The following L3MBTL4 variants were observed in gnomAD, a reference collection of about 807,000 sequenced individuals.
The protein encoded by L3MBTL4 is L3MBTL histone methyl-lysine binding protein 4.
A neutral mutation model predicts 84.5 loss-of-function variants in L3MBTL4; 70 were observed. The observed-to-expected ratio is 0.83, with a 90% CI of 0.68 to 1.01. The LOEUF (loss-of-function observed/expected upper bound fraction) is 1.01. L3MBTL4 is among the 50% of genes least tolerant of loss of function. The pLI, the probability that L3MBTL4 is intolerant of heterozygous loss-of-function variation, is 0.00. For missense variants in L3MBTL4, 715 were observed against 754.8 expected (o/e 0.95, Z 0.62); for synonymous variants, 274 against 259.8 (o/e 1.05, Z -0.52).
intron 12 of L3MBTL4, among the ~76,000 whole-genome samples, chr18:6,178,437 A>G (rs530290727): frequency 6.6e-6 from 1 of 152,340 alleles, no homozygotes; most frequent in South Asian, 2.1e-4. Flanking sequence ...CCAGATGGTC[A>G]AGTTAATAGA....
intron 1 of L3MBTL4, among the ~76,000 whole-genome samples, chr18:6,348,622 G>A (rs142385632): frequency 6.6e-6 from 1 of 151,882 alleles, no homozygotes; most frequent in Non-Finnish European, 1.5e-5. Context: ...AACAAAACTG[G>A]CAAATATCTT....
At position 6,247,504 on chromosome 18, in the gene L3MBTL4, A is replaced by G. The variant is rs1428113238; in HGVS notation, c.220-2916T>C. 1.6e-4 allele frequency among the ~76,000 whole-genome samples: 15 copies of G among 93,576 alleles called. No homozygotes were observed. The Admixed American group carries it at 2.4e-3, about 15-fold the overall frequency. 61.4% of individuals were successfully genotyped at this position (93,576 alleles called of 152,430 possible). On this transcript the variant is annotated intron_variant, in intron 5 of 18. Transcript: ENST00000317931. ...TTTTTTTTTTTTTTTTTTTAGATGG[A>G]GTCTCGCTGTGTCACCCAGGCTGGA... is the stretch of plus-strand genomic sequence containing the variant.
chr18:6,019,108 G>A (rs1438431678), intron 16 of L3MBTL4, among the ~76,000 whole-genome samples: 1 of 152,180 alleles, frequency 6.6e-6, no homozygotes, highest in Admixed American at 6.5e-5. Flanking sequence ...CATTGCAAAT[G>A]TCTTCAAATG....
Position 6,144,727 on chromosome 18 carries a change from A to C in L3MBTL4, c.1097-6431T>G, listed in dbSNP as rs958878296. 2.6e-5 allele frequency among the ~76,000 whole-genome samples: 4 copies of C among 152,202 alleles called. No individual in the cohort carries two copies. In the East Asian group the frequency reaches 7.7e-4, roughly 29 times the overall value. ...GAAACTGTCCTGGATAACAGGACCG[A>C]AGGGAAAGGCACCGTAAAGACAAAT... On this transcript the variant is annotated intron_variant, in intron 13 of 18. Coordinates refer to ENST00000317931, the MANE Select transcript of L3MBTL4 (RefSeq NM_001330559.2).
chr18:6,049,659 A>G (rs1229203632), intron 16 of L3MBTL4, among the ~76,000 whole-genome samples: 1 of 152,222 alleles, frequency 6.6e-6, no homozygotes, highest in Non-Finnish European at 1.5e-5. Context: ...AGTGGGAGTT[A>G]AATATCACGT....
chr18:6,211,718 G>A lies in L3MBTL4; in HGVS notation c.981+1431C>T, dbSNP rs2046112792. Among the ~76,000 whole-genome samples, 6 of 150,708 alleles carry A rather than the reference G, an allele frequency of 4.0e-5. No individual in the cohort carries two copies. In the South Asian group the frequency reaches 1.1e-3, roughly 26 times the overall value. ...GGCTGGAGTGCAGTGGCATGATCTC[G>A]GCTCACTGCAACCTCTGCCTCCCAG... On this transcript the variant is annotated intron_variant, in intron 12 of 18. Coordinates refer to ENST00000317931, the MANE Select transcript of L3MBTL4 (RefSeq NM_001330559.2).
intron 5 of L3MBTL4, among the ~76,000 whole-genome samples, chr18:6,245,196 A>G (rs1385634701): frequency 6.6e-6 from 1 of 152,180 alleles, no homozygotes; most frequent in African/African-American, 2.4e-5. Flanking sequence ...CCCAGCCCAA[A>G]TAAGAATTTT....
At chr18:6,079,759 T>C (rs1042650003) in intron 16 of L3MBTL4, among the ~76,000 whole-genome samples, 9 of 152,180 alleles carry the variant, frequency 5.9e-5, no homozygotes, top group African/African-American at 2.2e-4. Context: ...GTTTACAGAA[T>C]GAAGGCTTGG....
intron 1 of L3MBTL4, among the ~76,000 whole-genome samples, chr18:6,349,589 G>T (rs1300783685): frequency 6.6e-6 from 1 of 152,122 alleles, no homozygotes; most frequent in Non-Finnish European, 1.5e-5. Flanking sequence ...TTAGCTAGGT[G>T]TGGTGGCATG....
At chr18:6,043,604 C>T (rs111458871) in intron 16 of L3MBTL4, among the ~76,000 whole-genome samples, 1 of 152,310 alleles carries the variant, frequency 6.6e-6, no homozygotes, top group African/African-American at 2.4e-5. Context: ...AGCACTGCCA[C>T]AGGTGCAGGT....
chr18:5,987,485 G>T (rs4798423), intron 16 of L3MBTL4, among the ~76,000 whole-genome samples: 26,117 of 152,174 alleles, frequency 0.17, 3,462 homozygotes, highest in African/African-American at 0.36. Context: ...CTATATTTCA[G>T]TTCTTGCTAC....
chr18:6,238,262 G>A (rs1010093814), intron 9 of L3MBTL4, among the ~76,000 whole-genome samples: 20 of 152,182 alleles, frequency 1.3e-4, no homozygotes, highest in African/African-American at 4.6e-4. Context: ...GGCTGGGCGC[G>A]GTGGCTCACG....
intron 1 of L3MBTL4, among the ~76,000 whole-genome samples, chr18:6,382,797 C>A (rs2054648905): frequency 6.6e-6 from 1 of 152,216 alleles, no homozygotes; most frequent in Non-Finnish European, 1.5e-5. Context: ...GGGTCAGAGA[C>A]CCACTTGAGG....
chr18:5,991,742 TA>T (rs2145154073), intron 16 of L3MBTL4, among the ~76,000 whole-genome samples: 1 of 152,238 alleles, frequency 6.6e-6, no homozygotes, highest in African/African-American at 2.4e-5. Flanking sequence ...TTAGCCACAT[TA>T]GAATGTTTGG....
chr18:6,073,604 T>C (rs2057761886), intron 16 of L3MBTL4, among the ~76,000 whole-genome samples: 4 of 152,166 alleles, frequency 2.6e-5, no homozygotes, highest in Admixed American at 2.6e-4. Flanking sequence ...CCTGTGAACA[T>C]ATTTGAAACA....
At chr18:6,338,826 T>A (rs1015480392) in intron 1 of L3MBTL4, among the ~76,000 whole-genome samples, 2 of 151,984 alleles carry the variant, frequency 1.3e-5, no homozygotes, top group African/African-American at 4.8e-5. Context: ...TGAAAAAAAC[T>A]AACTTTTTAA....
At chr18:6,233,523 A>G (rs1417701536) in intron 10 of L3MBTL4, among the ~76,000 whole-genome samples, 1 of 147,260 alleles carries the variant, frequency 6.8e-6, no homozygotes, top group African/African-American at 2.7e-5. Flanking sequence ...TTATACACCA[A>G]TAACAGACAG....
At chr18:6,401,222 G>A (rs1004262736) in intron 1 of L3MBTL4, among the ~76,000 whole-genome samples, 5 of 152,108 alleles carry the variant, frequency 3.3e-5, no homozygotes, top group Non-Finnish European at 7.4e-5. Flanking sequence ...TAAAATGATC[G>A]TATTCGTATG....
intron 16 of L3MBTL4, among the ~76,000 whole-genome samples, chr18:6,053,756 ACT>A (rs2056918554): frequency 6.6e-6 from 1 of 151,674 alleles, no homozygotes; most frequent in East Asian, 1.9e-4. Context: ...TCCCCAGTAA[ACT>A]CTTTCTTTGG....
Sources: gnomAD v4.1 joint callset for allele counts (sites outside exome capture counted in the v4.1 genomes callset) on GRCh38, gnomAD v4.1.1 for gene constraint, MANE v1.5 for transcripts, NCBI Gene and HGNC (gene_info 2026-07-23, HGNC 2026-07-21) for gene names.